Variants in KCNH7 observed in about 807,000 individuals in gnomAD.
KCNH7 encodes potassium voltage-gated channel subfamily H member 7, also known as voltage-gated inwardly rectifying potassium channel KCNH7.
A neutral mutation model predicts 120.8 loss-of-function variants in KCNH7; 49 were observed. That is an observed-to-expected ratio of 0.41 (90% CI 0.32 to 0.51). KCNH7 has a LOEUF of 0.51. KCNH7 is among the 20% of genes least tolerant of loss of function. KCNH7 has a pLI of 0.38. For synonymous variants in KCNH7, 547 were observed against 516.1 expected (o/e 1.06, Z -0.81); for missense variants, 1,097 against 1,446.6 (o/e 0.76, Z 3.92).
intron 8 of KCNH7, among the ~76,000 whole-genome samples, chr2:162,430,392 G>C (rs754174650): frequency 6.6e-6 from 1 of 152,058 alleles, no homozygotes; most frequent in Admixed American, 6.6e-5. Flanking sequence ...GGTTTCTGGA[G>C]CTTTTCTTTT....
At position 162,490,044 on chromosome 2, in the gene KCNH7, C is replaced by T. The variant is rs1391642039; in HGVS notation, c.1128+14399G>A. ...ATCCAAAATGAAGTTTAGGAGAACA[C>T]GTTAATCATACTCTAGAGGTATGGA... is the stretch of plus-strand genomic sequence containing the variant. On this transcript the variant is annotated intron_variant, in intron 6 of 15. Transcript: ENST00000332142. Among the ~76,000 whole-genome samples the T allele has an allele frequency of 2.6e-5, 4 of 152,262 alleles. No homozygotes were observed. In the Middle Eastern group the frequency reaches 0.01, roughly 388 times the overall value.
At chr2:162,492,280 T>C (rs796842346) in intron 6 of KCNH7, among the ~76,000 whole-genome samples, 149 of 152,348 alleles carry the variant, frequency 9.8e-4, no homozygotes, top group African/African-American at 3.4e-3. Context: ...GGCTAGAACG[T>C]GGGCCTAGTC....
chr2:162,577,352 TCTATCTATCTA>T (rs1693715174), intron 2 of KCNH7, among the ~76,000 whole-genome samples: 1 of 40,884 alleles, frequency 2.4e-5, no homozygotes. Flanking sequence ...ATCCATCCTA[TCTATCTATCTA>T]TCTATCTATC....
At chr2:162,616,346 T>C (rs1574173977) in intron 2 of KCNH7, among the ~76,000 whole-genome samples, 1 of 152,206 alleles carries the variant, frequency 6.6e-6, no homozygotes, top group East Asian at 1.9e-4. Flanking sequence ...TTGGGAATAC[T>C]AAATCTTTTA....
intron 6 of KCNH7, among the ~76,000 whole-genome samples, chr2:162,490,107 G>C (rs925350882): frequency 6.6e-6 from 1 of 152,202 alleles, no homozygotes; most frequent in Non-Finnish European, 1.5e-5. Flanking sequence ...GACAGTAAGG[G>C]GAGGGTCCCT....
chr2:162,533,010 A>G (rs1012990746), intron 3 of KCNH7, among the ~76,000 whole-genome samples: 1 of 151,910 alleles, frequency 6.6e-6, no homozygotes, highest in African/African-American at 2.4e-5. Flanking sequence ...ATTATAAGCT[A>G]TTAGGTTGGT....
intron 5 of KCNH7, among the ~76,000 whole-genome samples, chr2:162,506,798 T>C (rs1474115178): frequency 1.3e-5 from 2 of 151,852 alleles, no homozygotes; most frequent in African/African-American, 2.4e-5. Context: ...CTCCTCTGAA[T>C]TGGCTACACT....
Position 162,512,681 on chromosome 2 carries a change from T to G in KCNH7, c.893-7A>C. On this transcript the variant is annotated splice_polypyrimidine_tract_variant and splice_region_variant and intron_variant, in intron 4 of 15. Coordinates refer to ENST00000332142, the MANE Select transcript of KCNH7 (RefSeq NM_033272.4). The stretch of plus-strand genomic sequence containing the variant: ...TTGACATTGCGACCATTGTCTGTTT[T>G]GAGCACATAAGGATAAAAAAAGAGA... 6.2e-7 allele frequency: 1 copy of G among 1,606,896 alleles called. No individual in the cohort carries two copies. Among genetic ancestry groups the G allele is most frequent in the Non-Finnish European group, 8.5e-7 (1 of 1,174,754 alleles).
chr2:162,456,445 A>G (rs1052822436), intron 6 of KCNH7, among the ~76,000 whole-genome samples: 2 of 152,126 alleles, frequency 1.3e-5, no homozygotes, highest in African/African-American at 2.4e-5. Context: ...CGATTTTAGA[A>G]TAAGTGTCAT....
intron 2 of KCNH7, among the ~76,000 whole-genome samples, chr2:162,690,189 T>G (rs1381830258): frequency 6.6e-6 from 1 of 152,096 alleles, no homozygotes; most frequent in Non-Finnish European, 1.5e-5. Flanking sequence ...TGAGGATACT[T>G]GGACACATAG....
At chr2:162,380,727 A>G (rs1215972467) in intron 13 of KCNH7, among the ~76,000 whole-genome samples, 1 of 152,122 alleles carries the variant, frequency 6.6e-6, no homozygotes, top group Non-Finnish European at 1.5e-5. Flanking sequence ...ACTTTAAGAT[A>G]AACTATTAGT....
intron 2 of KCNH7, among the ~76,000 whole-genome samples, chr2:162,709,809 C>T (rs1370306305): frequency 6.6e-6 from 1 of 152,134 alleles, no homozygotes; most frequent in Non-Finnish European, 1.5e-5. Flanking sequence ...CTTCATTAAC[C>T]TTTAGAAATA....
intron 2 of KCNH7, among the ~76,000 whole-genome samples, chr2:162,644,096 C>A (rs1423078521): frequency 6.6e-6 from 1 of 151,958 alleles, no homozygotes; most frequent in African/African-American, 2.4e-5. Flanking sequence ...CCCCGCCCCC[C>A]ACATCAACTG....
chr2:162,584,063 T>C (rs1026113846), intron 2 of KCNH7, among the ~76,000 whole-genome samples: 7 of 152,136 alleles, frequency 4.6e-5, no homozygotes, highest in Non-Finnish European at 1.0e-4. Context: ...TAATTTTATG[T>C]CCATACAGGT....
At chr2:162,779,084 T>C (rs538750901) in intron 2 of KCNH7, among the ~76,000 whole-genome samples, 71 of 152,260 alleles carry the variant, frequency 4.7e-4, no homozygotes, top group African/African-American at 1.6e-3. Flanking sequence ...ATTTGTTTTG[T>C]TTTGTTGGCA....
At position 162,373,593 on chromosome 2, in the gene KCNH7, G is replaced by T. The variant is rs767809489; in HGVS notation, c.3201C>A (p.Val1067=). The change falls in exon 15 of 16, where the codon GTC becomes GTA. Residue 1067 remains valine (V), a synonymous_variant. Coordinates refer to ENST00000332142, the MANE Select transcript of KCNH7 (RefSeq NM_033272.4). ...CTGTTACCATACTGTAGGCTGGGGG[G>T]ACCACAGTGGTTTGTTTCTGCAGCA... is the stretch of plus-strand genomic sequence containing the variant. ...LQLLQKQTTV[V]PPAYSMVTAG... 6.3e-7 allele frequency: 1 copy of T among 1,578,802 alleles called. No homozygotes were observed. Among genetic ancestry groups the T allele is most frequent in the Non-Finnish European group, 8.6e-7 (1 of 1,162,018 alleles).
chr2:162,460,404 T>G (rs543549394), intron 6 of KCNH7, among the ~76,000 whole-genome samples: 2 of 152,256 alleles, frequency 1.3e-5, no homozygotes, highest in South Asian at 4.1e-4. Context: ...GACACTTACT[T>G]TAGTCTTTGC....
chr2:162,739,876 C>T (rs914809348), intron 2 of KCNH7, among the ~76,000 whole-genome samples: 1 of 150,884 alleles, frequency 6.6e-6, no homozygotes, highest in South Asian at 2.1e-4. Flanking sequence ...GATGGCAGTA[C>T]ATGAATGAGC....
chr2:162,685,143 C>A (rs1685843239), intron 2 of KCNH7, among the ~76,000 whole-genome samples: 1 of 151,936 alleles, frequency 6.6e-6, no homozygotes, highest in Admixed American at 6.6e-5. Flanking sequence ...GGGAGTTGAA[C>A]AATGAGAACA....
Sources: gnomAD v4.1 joint callset for allele counts (sites outside exome capture counted in the v4.1 genomes callset) on GRCh38, gnomAD v4.1.1 for gene constraint, MANE v1.5 for transcripts, NCBI Gene and HGNC (gene_info 2026-07-23, HGNC 2026-07-21) for gene names.